UCKL1: variants seen among roughly 807,000 people sequenced by gnomAD.
UCKL1 encodes the protein uridine-cytidine kinase-like 1.
Under a neutral mutation model 59.2 loss-of-function variants are expected in UCKL1, and 65 were observed. That is an observed-to-expected ratio of 1.10 (90% CI 0.90 to 1.35). UCKL1 has a LOEUF of 1.35. Ranked by LOEUF, UCKL1 falls within the 40% of genes most tolerant of loss-of-function variation. The pLI is 0.00. For synonymous variants in UCKL1, 410 were observed against 323.1 expected (o/e 1.27, Z -2.88); for missense variants, 703 against 784.3 (o/e 0.90, Z 1.24).
intron 1 of UCKL1, among the ~76,000 whole-genome samples, chr20:63,951,394 A>G: frequency 6.6e-6 from 1 of 152,058 alleles, no homozygotes; most frequent in Non-Finnish European, 1.5e-5. Context: ...AAGCTACAGT[A>G]CCCCGGCCTG....
intron 7 of UCKL1, among the ~76,000 whole-genome samples, chr20:63,944,146 G>A (rs987323206): frequency 2.6e-5 from 4 of 152,252 alleles, no homozygotes; most frequent in South Asian, 2.1e-4. Context: ...CTGCACCCTC[G>A]GCTGGGTCCT....
In UCKL1 at chr20:63,946,615, G is replaced by A. The variant is rs2056298197; in HGVS notation, c.142C>T (p.Leu48=). Reference sequence around the variant, plus strand: ...GAGCGCCCAGTGCCCACAGGTGGCAGGAGCCTGTCCAGGGACTCTGCATTG... The same window carrying A: ...GAGCGCCCAGTGCCCACAGGTGGCAAGAGCCTGTCCAGGGACTCTGCATTG... The part of the protein sequence containing the change: ...RSNAESLDRL[L]PPVGTGRSPR... The change falls in exon 2 of 15, where the codon CTG becomes TTG. Residue 48 remains leucine, a synonymous_variant. Coordinates refer to ENST00000354216, the MANE Select transcript of UCKL1 (RefSeq NM_017859.4). 2 of 1,610,092 alleles carry A rather than the reference G, an allele frequency of 1.2e-6. No homozygotes were observed. Among genetic ancestry groups the A allele is most frequent in the African/African-American group, 1.3e-5 (1 of 75,062 alleles).
At chr20:63,954,841 T>C (rs557524397) in intron 1 of UCKL1, 11 of 152,390 alleles carry the variant, frequency 7.2e-5, no homozygotes, top group African/African-American at 2.6e-4. Context: ...CCACCGTCTG[T>C]GCACAGGGCA....
chr20:63,946,705 C>T (rs2056327745), intron 1 of UCKL1, 62 bp from the exon 2 acceptor site: 3 of 1,511,382 alleles, frequency 2.0e-6, no homozygotes. Flanking sequence ...TACCCGCTGG[C>T]ATGGCCGGCC....
rs746954005 is a variant in UCKL1, at chr20:63,939,971, G to C, written c.*5C>G. ...GTGGTGGGGACGGGATGGCTCACTG[G>C]GCAGCTAACCCGTGTAGGCCACTTC... On this transcript the variant is annotated 3_prime_UTR_variant, in exon 15 of 15. Transcript: ENST00000354216. 1 of 1,612,466 alleles carries C rather than the reference G, an allele frequency of 6.2e-7. No homozygotes were observed. Among genetic ancestry groups the C allele is most frequent in the Non-Finnish European group, 8.5e-7 (1 of 1,179,786 alleles).
At position 63,940,054 on chromosome 20, in the gene UCKL1, C is replaced by G. The variant is rs2053924020; in HGVS notation, c.1569G>C (p.Gly523=). ...NDLFRIIPGI[G]NFGDRYFGTD... is the part of the protein sequence containing the mutation. Reference sequence around the variant, plus strand: ...TCCCAAAGTAGCGGTCGCCAAAGTTCCCTGGAAAAAGGGGGGGGGGGGTCC... The same window carrying G: ...TCCCAAAGTAGCGGTCGCCAAAGTTGCCTGGAAAAAGGGGGGGGGGGGTCC... The change falls in exon 15 of 15, where the codon GGG becomes GGC. Residue 523 remains glycine, a splice_region_variant and synonymous_variant. Transcript: ENST00000354216. 2 of 1,566,728 alleles carry G rather than the reference C, an allele frequency of 1.3e-6. No homozygotes were observed. The highest frequency in any genetic ancestry group is 1.7e-6 in the Non-Finnish European group (2 of 1,163,456).
Position 63,944,596 on chromosome 20 carries a change from C to G in UCKL1, c.793G>C (p.Asp265His). The part of the protein sequence containing the change: ...QYNKFVKPSF[D>H]QYIQPTMRLA... ...CGCATGGTGGGCTGGATGTACTGGT[C>G]GAAGGAGGGCTTGACAAACTTGTTG... The change falls in exon 6 of 15, where the codon GAC becomes CAC. Residue 265 changes from aspartate (D) to histidine (H), a missense_variant. Around this residue, in one of 4 missense-constraint regions of UCKL1, gnomAD observed 398 missense variants for 373.0 expected, o/e 1.07. Transcript: ENST00000354216. 6.2e-7 allele frequency: 1 copy of G among 1,613,036 alleles called. No individual in the cohort carries two copies. Among genetic ancestry groups the G allele is most frequent in the Non-Finnish European group, 8.5e-7 (1 of 1,179,864 alleles).
intron 1 of UCKL1, among the ~76,000 whole-genome samples, chr20:63,953,174 G>A (rs550083062): frequency 5.3e-5 from 8 of 152,314 alleles, no homozygotes; most frequent in African/African-American, 7.2e-5. Context: ...GAGGTTGGGC[G>A]TTTGAGACCA....
At chr20:63,951,056 T>C (rs1223225690) in intron 1 of UCKL1, 9 of 1,212,968 alleles carry the variant, frequency 7.4e-6, no homozygotes, top group African/African-American at 1.6e-5. Flanking sequence ...GACCCTTGGC[T>C]GGCAGAAGCT....
At position 63,945,623 on chromosome 20, in the gene UCKL1, G is replaced by A. The variant is rs762784198; in HGVS notation, c.654+28C>T. Reference sequence around the variant, plus strand: ...GGGCGGCCAGGGCTGAGATACCAGCGGGGTGGGTATTCCCGGCGGGTGCTT... The same window carrying A: ...GGGCGGCCAGGGCTGAGATACCAGCAGGGTGGGTATTCCCGGCGGGTGCTT... On this transcript the variant is annotated intron_variant, in intron 5 of 14. Coordinates refer to ENST00000354216, the MANE Select transcript of UCKL1 (RefSeq NM_017859.4). 4.9e-5 allele frequency: 79 copies of A among 1,610,338 alleles called. 2 individuals carry two copies. In the South Asian group the frequency reaches 6.7e-4, roughly 14 times the overall value.
At chr20:63,951,524 C>T (rs907310648) in intron 1 of UCKL1, among the ~76,000 whole-genome samples, 4 of 152,176 alleles carry the variant, frequency 2.6e-5, no homozygotes, top group South Asian at 2.1e-4. Flanking sequence ...AGAGTGCTTC[C>T]GACAGGCATA....
At chr20:63,955,999 G>C (rs1312539967) in intron 1 of UCKL1, 1 of 352,458 alleles carries the variant, frequency 2.8e-6, no homozygotes. Context: ...CGGGGGCAGA[G>C]ACCAAGGTCA....
At chr20:63,947,999 T>TC (rs1273052451) in intron 1 of UCKL1, among the ~76,000 whole-genome samples, 22 of 150,802 alleles carry the variant, frequency 1.5e-4, no homozygotes, top group African/African-American at 3.7e-4. Flanking sequence ...GCTGGGGGGT[T>TC]GGGGGGGCAT....
At chr20:63,951,276 C>A in intron 1 of UCKL1, 1 of 878,318 alleles carries the variant, frequency 1.1e-6, no homozygotes, top group Non-Finnish European at 1.4e-6. Flanking sequence ...TCGGTGTGAA[C>A]TGCCCCCTCC....
In UCKL1 at chr20:63,956,273, C is replaced by A. The variant is rs1269408167; in HGVS notation, c.100G>T (p.Ala34Ser). 4 of 1,551,164 alleles carry A rather than the reference C, an allele frequency of 2.6e-6. No homozygotes were observed. The highest frequency in any genetic ancestry group is 3.9e-5 in the Admixed American group (2 of 51,638). Residue 34 changes from alanine to serine, a missense_variant, in exon 1 of 15, where the codon GCG becomes TCG. By Grantham distance (99) the Ala-to-Ser change is moderately conservative. This residue lies in a region of UCKL1 where 398 missense variants were observed against 373.0 expected (regional missense o/e 1.07). Transcript: ENST00000354216. ...PGRQAEKSET[A>S]CEDRSNAESL... Reference sequence around the variant, plus strand: ...GCCCACGCCTACCGGTCCTCGCACGCGGTCTCGCTTTTCTCAGCCTGCCGG... The same window carrying A: ...GCCCACGCCTACCGGTCCTCGCACGAGGTCTCGCTTTTCTCAGCCTGCCGG...
chr20:63,942,994 G>A (rs931433641), intron 8 of UCKL1, among the ~76,000 whole-genome samples: 1 of 152,174 alleles, frequency 6.6e-6, no homozygotes, highest in Non-Finnish European at 1.5e-5. Context: ...CCCTCCAGGT[G>A]GCTCAGTCAG....
At chr20:63,942,369 G>A in intron 8 of UCKL1, 1 of 1,165,002 alleles carries the variant, frequency 8.6e-7, no homozygotes, top group Non-Finnish European at 1.1e-6. Flanking sequence ...GGCAGGGAAA[G>A]GGGCGGGGCA....
intron 1 of UCKL1, among the ~76,000 whole-genome samples, chr20:63,946,920 A>C (rs1331814020): frequency 6.6e-6 from 1 of 151,964 alleles, no homozygotes; most frequent in African/African-American, 2.4e-5. Flanking sequence ...TCTACTAAAA[A>C]TTAAAAAAAA....
chr20:63,946,386 C>T (rs900708867), intron 2 of UCKL1, 67 bp downstream of exon 2: 2 of 1,521,804 alleles, frequency 1.3e-6, no homozygotes, highest in Admixed American at 2.0e-5. Context: ...TCTCCTGCTC[C>T]ACAGGCACTG....
Sources: allele counts gnomAD v4.1 joint callset (sites outside exome capture counted in the v4.1 genomes callset), GRCh38; gene constraint gnomAD v4.1.1; regional missense constraint gnomAD v4.1.1; transcripts MANE v1.5; gene names NCBI Gene and HGNC (gene_info 2026-07-23, HGNC 2026-07-21).